Variants in ARPC1B observed in about 807,000 individuals in gnomAD.
The protein encoded by ARPC1B is actin related protein 2/3 complex subunit 1B, also known as actin-related protein 2/3 complex subunit 1B.
Under a neutral mutation model 46.0 loss-of-function variants are expected in ARPC1B, and 29 were observed. That is an observed-to-expected ratio of 0.63 (90% confidence interval 0.47 to 0.86). ARPC1B has a LOEUF of 0.86. ARPC1B is among the 40% of genes least tolerant of loss of function. The probability of loss-of-function intolerance (pLI) is 0.00; values close to 1 mark genes in which losing one functional copy is unlikely to be tolerated. For synonymous variants in ARPC1B, 201 were observed against 213.9 expected, an observed-to-expected ratio of 0.94 and a Z score of 0.53; for missense variants, 469 against 529.4, an observed-to-expected ratio of 0.89 and a Z score of 1.12.
chr7:99,387,845 A>G (rs1283687723), intron 3 of ARPC1B, among the ~76,000 whole-genome samples, 194 bp from the exon 4 acceptor site: 2 of 150,528 alleles, frequency 1.3e-5, no homozygotes, highest in African/African-American at 2.5e-5. Flanking sequence ...GGCTGCAGTG[A>G]GCTGAGATCA....
chr7:99,392,601 C>A lies in ARPC1B; in HGVS notation c.784-70C>A. 3 of 1,370,488 alleles carry A rather than the reference C, an allele frequency of 2.2e-6. No homozygotes were observed. The South Asian group carries it at 4.7e-5, about 21-fold the overall frequency. The allele number at this position is 1,370,488 out of a possible 1,614,324, so 84.9% of individuals were successfully genotyped here. The stretch of plus-strand genomic sequence containing the variant: ...CATCTGCCTCCCGGGCGGCCAGACG[C>A]CCGCCTGGCCTTCCCTCCGGCCTCG... On this transcript the variant is annotated intron_variant, in intron 7 of 9. Coordinates refer to ENST00000646101, the MANE Select transcript of ARPC1B (RefSeq NM_005720.4).
rs868469747 is a variant in ARPC1B at position 99,389,990 on chromosome 7, G to A, written c.478G>A (p.Gly160Ser). Residue 160 changes from glycine to serine, a missense_variant, in exon 5 of 10, where the codon GGC (glycine) becomes AGC (serine). Gly to Ser is a moderately conservative substitution (Grantham distance 56). Transcript: ENST00000646101. ...WHPNNVLLAA[G>S]SCDFKCRIFS... Reference sequence around the variant, plus strand: ...CCCCAACAATGTGCTGCTGGCTGCCGGCTCCTGTGACTTCAAGTGTCGGTG... The same window carrying A: ...CCCCAACAATGTGCTGCTGGCTGCCAGCTCCTGTGACTTCAAGTGTCGGTG... 35 of 1,613,976 alleles carry A rather than the reference G, an allele frequency of 2.2e-5. No individual in the cohort carries two copies. The highest frequency in any genetic ancestry group is 1.6e-4 in the Middle Eastern group (1 of 6,084).
rs550720333 is a variant in ARPC1B, at chr7:99,375,661, A to C, written c.-14+880A>C. ...ATCCCGGCCGGGCGCGGTGGCTCAC[A>C]CATAGAATCCTAGCATTTTGAGAGG... On this transcript the variant is annotated intron_variant, in intron 1 of 9. Transcript: ENST00000646101. 7.9e-5 allele frequency among the ~76,000 whole-genome samples: 12 copies of C among 152,288 alleles called. 1 individual carries two copies. The East Asian group carries it at 2.3e-3, about 29-fold the overall frequency.
rs1043854244 is a variant in ARPC1B at position 99,392,864 on chromosome 7, A to T, written c.977A>T (p.Lys326Met). 3 of 1,545,462 alleles carry T rather than the reference A, an allele frequency of 1.9e-6. No individual in the cohort carries two copies. Among genetic ancestry groups the T allele is most frequent in the East Asian group, 2.5e-5 (1 of 40,774 alleles). ...AAGAGLDSLHKNSVSQISVLS... is the reference protein window; with the variant it reads ...AAGAGLDSLHMNSVSQISVLS... ...GGCGCGGGCCTAGACTCGCTGCACA[A>T]GAACAGCGTCAGGTGAGAGCGGGAG... The change falls in exon 8 of 10, where the codon AAG becomes ATG. Residue 326 changes from lysine (K) to methionine (M), a missense_variant. Lys to Met is a moderately conservative substitution (Grantham distance 95). Coordinates refer to ENST00000646101, the MANE Select transcript of ARPC1B (RefSeq NM_005720.4).
chr7:99,392,901 G>A (rs192984637), intron 8 of ARPC1B, 25 bp downstream of exon 8: 62 of 1,520,806 alleles, frequency 4.1e-5, no homozygotes, highest in Middle Eastern at 1.8e-4. Flanking sequence ...CGGGCCGGCG[G>A]GTGGGCGGGG....
rs1491118874 is a variant in ARPC1B at position 99,394,801 on chromosome 7, A to AAG, written c.*312_*313insAG. Reference sequence around the variant, plus strand: ...GTGTAAAAAAAAAAAAAAAAAAAAAAGTAATTATGGACATGCTTGCCTATG... The same window carrying AAG: ...GTGTAAAAAAAAAAAAAAAAAAAAAAAGGTAATTATGGACATGCTTGCCTATG... On this transcript the variant is annotated 3_prime_UTR_variant, in exon 10 of 10. Coordinates refer to ENST00000646101, the MANE Select transcript of ARPC1B (RefSeq NM_005720.4). 1.7e-6 allele frequency: 2 copies of AAG among 1,175,164 alleles called. No homozygotes were observed. Among genetic ancestry groups the AAG allele is most frequent in the Non-Finnish European group, 1.1e-6 (1 of 939,900 alleles). 72.8% of individuals were successfully genotyped at this position (1,175,164 alleles called of 1,614,324 possible).
intron 4 of ARPC1B, chr7:99,389,532 T>G: frequency 5.4e-6 from 1 of 185,804 alleles, no homozygotes; most frequent in Non-Finnish European, 1.1e-5. Context: ...ACGTCTTAGT[T>G]TTTAATCTCC....
chr7:99,388,796 A>G (rs1794482502), intron 4 of ARPC1B: 1 of 152,312 alleles, frequency 6.6e-6, no homozygotes, highest in Non-Finnish European at 1.5e-5. Flanking sequence ...CCATGCCCGG[A>G]TAATTTTTAT....
rs34058988 is a variant in ARPC1B at position 99,377,610 on chromosome 7, G to GCTT, written c.-14+2851_-14+2853dup. ...TTACAGGCGTGAGCCACCGCGCCCA[G>GCTT]CTTCTTCTTCTTCTTCTTCTTCTTT... On this transcript the variant is annotated intron_variant, in intron 1 of 9. Transcript: ENST00000646101. 7.6e-4 allele frequency among the ~76,000 whole-genome samples: 114 copies of GCTT among 150,352 alleles called. 2 individuals carry two copies. Among genetic ancestry groups the GCTT allele is most frequent in the African/African-American group, 1.9e-3 (76 of 40,890 alleles).
In ARPC1B at chr7:99,394,480, G is replaced by T; in HGVS notation, c.1110G>T (p.Lys370Asn). 6.2e-7 allele frequency: 1 copy of T among 1,614,096 alleles called. No individual in the cohort carries two copies. The highest frequency in any genetic ancestry group is 8.5e-7 in the Non-Finnish European group (1 of 1,180,020). The stretch of plus-strand genomic sequence containing the variant: ...TGGAGTCAGCCTTGAAGGACCTCAA[G>T]ATCAAATGACCTGTGAGGAATATGT... Reference protein sequence around the residue: ...KSLESALKDLKIK With the variant: ...KSLESALKDLNIK Residue 370 changes from lysine to asparagine, a missense_variant, in exon 10 of 10, where the codon AAG (lysine) becomes AAT (asparagine). Lys to Asn is a moderately conservative substitution (Grantham distance 94). Transcript: ENST00000646101.
intron 1 of ARPC1B, among the ~76,000 whole-genome samples, chr7:99,375,544 C>T (rs1383394353): frequency 6.6e-6 from 1 of 150,388 alleles, no homozygotes; most frequent in African/African-American, 2.5e-5. Flanking sequence ...GGGCTGCACC[C>T]GCGGGCAGTG....
At chr7:99,381,915 C>T (rs773985619) in intron 1 of ARPC1B, among the ~76,000 whole-genome samples, 1 of 152,230 alleles carries the variant, frequency 6.6e-6, no homozygotes, top group Admixed American at 6.5e-5. Context: ...TCAGGGTTCC[C>T]AGTCCTGGTT....
At position 99,394,779 on chromosome 7, in the gene ARPC1B, T is replaced by TTAAAA. The variant is rs1554350911; in HGVS notation, c.*290_*291insTAAAA. 8 of 958,236 alleles carry TTAAAA rather than the reference T, an allele frequency of 8.3e-6. No homozygotes were observed. The South Asian group carries it at 3.2e-4, about 38-fold the overall frequency. The allele number at this position is 958,236 out of a possible 1,614,324, so 59.4% of individuals were successfully genotyped here. A position where few individuals can be genotyped will look rare whatever the true frequency, so the allele number is the denominator to read the frequency against. ...GTGGAGGTAATAAAATGCAACTGTG[T>TTAAAA]AAAAAAAAAAAAAAAAAAAAAAGTA... is the stretch of plus-strand genomic sequence containing the variant. On this transcript the variant is annotated 3_prime_UTR_variant, in exon 10 of 10. Transcript: ENST00000646101.
Position 99,391,267 on chromosome 7 carries a change from A to AG in ARPC1B, c.783+18dup. 1.3e-6 allele frequency: 2 copies of AG among 1,595,128 alleles called. No homozygotes were observed. Among genetic ancestry groups the AG allele is most frequent in the African/African-American group, 2.7e-5 (2 of 74,572 alleles). On this transcript the variant is annotated intron_variant, in intron 7 of 9. Transcript: ENST00000646101. ...CTGGTGGCAGCGGTGAGGAATAGGGAGGGGAGGGAGGGTGTGTGGTCACAG... is the reference window on the plus strand; with the variant it reads ...CTGGTGGCAGCGGTGAGGAATAGGGAGGGGGAGGGAGGGTGTGTGGTCACAG...
At chr7:99,388,539 C>G in intron 4 of ARPC1B, 1 of 432,698 alleles carries the variant, frequency 2.3e-6, no homozygotes, top group Non-Finnish European at 4.2e-6. Flanking sequence ...GCTCCGTGGA[C>G]TGGGCATCGG....
chr7:99,385,333 A>C (rs1236783652), intron 1 of ARPC1B, among the ~76,000 whole-genome samples: 1 of 143,974 alleles, frequency 6.9e-6, no homozygotes, highest in African/African-American at 2.5e-5. Flanking sequence ...CCATCCTATG[A>C]GGAAACCGAG....
intron 3 of ARPC1B, among the ~76,000 whole-genome samples, chr7:99,387,473 T>C (rs1450937340): frequency 6.6e-6 from 1 of 151,392 alleles, no homozygotes; most frequent in African/African-American, 2.4e-5. Flanking sequence ...TGCGGTGGCT[T>C]GCGCCTGTAC....
intron 8 of ARPC1B, 103 bp downstream of exon 8, chr7:99,392,979 C>G: frequency 8.0e-7 from 1 of 1,246,874 alleles, no homozygotes; most frequent in Non-Finnish European, 1.1e-6. Flanking sequence ...GGGCATTGTG[C>G]TGGGACCTTG....
chr7:99,386,260 AAAAG>A (rs1483603363), intron 2 of ARPC1B: 2 of 360,366 alleles, frequency 5.5e-6, no homozygotes, highest in African/African-American at 2.1e-5. Flanking sequence ...CAAAAAAAAA[AAAAG>A]AGAGAAAGAA....
Sources: gnomAD v4.1 joint callset for allele counts (sites outside exome capture counted in the v4.1 genomes callset) on GRCh38, gnomAD v4.1.1 for gene constraint, MANE v1.5 for transcripts, NCBI Gene and HGNC (gene_info 2026-07-23, HGNC 2026-07-21) for gene names.